Variants in DGKH observed in about 807,000 individuals in gnomAD.
The protein encoded by DGKH is DAG kinase eta.
DGKH carries 90 observed loss-of-function variants against 159.3 expected under a neutral mutation model. The ratio of observed to expected loss-of-function variants is 0.57; its 90% CI spans 0.48 to 0.67. DGKH has a LOEUF of 0.67. Among genes scored for constraint, DGKH ranks in the 30% least tolerant of loss-of-function variants. The probability of loss-of-function intolerance (pLI) is 0.00; values close to 1 mark genes in which losing one functional copy is unlikely to be tolerated. For missense variants in DGKH, 1,181 were observed against 1,506.1 expected (o/e 0.78, Z 3.57); for synonymous variants, 536 against 553.8 (o/e 0.97, Z 0.45).
intron 1 of DGKH, among the ~76,000 whole-genome samples, chr13:42,041,315 C>A (rs575605916): frequency 6.6e-6 from 1 of 152,156 alleles, no homozygotes; most frequent in Non-Finnish European, 1.5e-5. Context: ...CGAGACCGCG[C>A]CCTGGTCGTC....
In DGKH at chr13:42,198,487, C is replaced by G; in HGVS notation, c.2177C>G (p.Ala726Gly). 6.2e-7 allele frequency: 1 copy of G among 1,613,204 alleles called. No homozygotes were observed. The highest frequency in any genetic ancestry group is 1.1e-5 in the South Asian group (1 of 90,838). Reference sequence around the variant, plus strand: ...TTGCTTTTCTTTCCAGGTTTAAGAGCAGGACTGGCTGCCTCAATTGCTGGG... The same window carrying G: ...TTGCTTTTCTTTCCAGGTTTAAGAGGAGGACTGGCTGCCTCAATTGCTGGG... ...NTRIICPGLRAGLAASIAGSS... is the reference protein window; with the variant it reads ...NTRIICPGLRGGLAASIAGSS... Residue 726 changes from alanine (A) to glycine (G), a missense_variant, in exon 18 of 30, where the codon GCA (alanine) becomes GGA (glycine). Physicochemically the swap from Ala to Gly is moderately conservative, Grantham distance 60. Transcript: ENST00000337343.
rs1294343507 is a variant in DGKH, at chr13:42,153,721, A to G, written c.385-1570A>G. 2.0e-5 allele frequency: 3 copies of G among 152,348 alleles called. 1 individual carries two copies. The highest frequency in any genetic ancestry group is 6.8e-3 in the Middle Eastern group (2 of 294). The allele number at this position is 152,348 out of a possible 1,614,324, so 9.4% of individuals were successfully genotyped here. ...ATTTGGCTCCTAAGTAATGAGAGGC[A>G]TTGTTCTTTGCATTAACTATTTATT... On this transcript the variant is annotated intron_variant, in intron 3 of 29. Coordinates refer to ENST00000337343, the MANE Select transcript of DGKH (RefSeq NM_178009.5).
rs967512373 is a variant in DGKH, at chr13:42,219,216, C to G, written c.3214-14C>G. The G allele has an allele frequency of 5.0e-6, 8 of 1,612,582 alleles. No individual in the cohort carries two copies. Among genetic ancestry groups the G allele is most frequent in the Non-Finnish European group, 6.8e-6 (8 of 1,179,412 alleles). On this transcript the variant is annotated splice_polypyrimidine_tract_variant and intron_variant, in intron 26 of 29. Coordinates refer to ENST00000337343, the MANE Select transcript of DGKH (RefSeq NM_178009.5). Reference sequence around the variant, plus strand: ...GTCTTGTTTTGTTTTGTCTTTTAATCTGCTGGTAAATAGCAGCTGGAATCG... The same window carrying G: ...GTCTTGTTTTGTTTTGTCTTTTAATGTGCTGGTAAATAGCAGCTGGAATCG...
intron 21 of DGKH, among the ~76,000 whole-genome samples, chr13:42,207,808 T>G (rs903086197): frequency 1.3e-5 from 2 of 151,582 alleles, no homozygotes; most frequent in Non-Finnish European, 2.9e-5. Flanking sequence ...TGGTTCCTAC[T>G]GATCTGTTAT....
At chr13:42,147,084 C>G (rs1252685082) in intron 3 of DGKH, among the ~76,000 whole-genome samples, 1 of 151,892 alleles carries the variant, frequency 6.6e-6, no homozygotes, top group Non-Finnish European at 1.5e-5. Flanking sequence ...ACTTTGTGCA[C>G]AAGGACTGGA....
At chr13:42,146,025 A>G (rs1021079832) in intron 3 of DGKH, among the ~76,000 whole-genome samples, 13 of 152,130 alleles carry the variant, frequency 8.5e-5, no homozygotes, top group Admixed American at 3.9e-4. Context: ...ATTTTTCCCA[A>G]TTACTCAACA....
intron 1 of DGKH, among the ~76,000 whole-genome samples, chr13:42,054,463 A>G (rs1881602057): frequency 6.6e-6 from 1 of 152,362 alleles, no homozygotes; most frequent in Middle Eastern, 3.4e-3. Flanking sequence ...CAATTAACAC[A>G]CATCCAGGTC....
rs151039400 is a variant in DGKH, at chr13:42,188,476, C to G, written c.1639-560C>G. On this transcript the variant is annotated intron_variant, in intron 14 of 29. Coordinates refer to ENST00000337343, the MANE Select transcript of DGKH (RefSeq NM_178009.5). ...AGGCATTGTTCACTCCTTTGCAAAC[C>G]AAAGCTTTGAAGGGGAGTTTGCCAC... Among the ~76,000 whole-genome samples, 119 of 152,206 alleles carry G rather than the reference C, an allele frequency of 7.8e-4. 2 individuals are homozygous for G. The East Asian group carries it at 0.02, about 26-fold the overall frequency.
intron 1 of DGKH, among the ~76,000 whole-genome samples, chr13:42,086,937 A>G (rs774202177): frequency 1.3e-5 from 2 of 152,178 alleles, no homozygotes; most frequent in East Asian, 3.9e-4. Flanking sequence ...GGAACCACAC[A>G]GAAAGAAAGC....
chr13:42,059,542 G>A (rs569710143), intron 1 of DGKH, among the ~76,000 whole-genome samples: 38 of 152,256 alleles, frequency 2.5e-4, no homozygotes, highest in African/African-American at 8.9e-4. Context: ...GACCCACCGC[G>A]CCTGGCCTTC....
intron 1 of DGKH, among the ~76,000 whole-genome samples, chr13:42,074,146 T>G (rs1883153524): frequency 6.6e-6 from 1 of 152,202 alleles, no homozygotes; most frequent in African/African-American, 2.4e-5. Flanking sequence ...TTAAGGTACA[T>G]AGTGGAAAAC....
At chr13:42,244,898 C>A (rs1316894489), downstream of DGKH, among the ~76,000 whole-genome samples, 2 of 83,282 alleles carry the variant, frequency 2.4e-5, no homozygotes, top group African/African-American at 5.4e-5. Flanking sequence ...AGCGAGACTC[C>A]GTCTCAAAAA....
At chr13:42,041,081 G>A (rs985250071) in intron 1 of DGKH, among the ~76,000 whole-genome samples, 6 of 152,086 alleles carry the variant, frequency 3.9e-5, no homozygotes, top group East Asian at 1.9e-4. Flanking sequence ...CGCCGCCCGG[G>A]CTCCTCCTCG....
intron 11 of DGKH, among the ~76,000 whole-genome samples, chr13:42,170,384 A>T (rs1419827942): frequency 6.6e-6 from 1 of 152,024 alleles, no homozygotes; most frequent in Non-Finnish European, 1.5e-5. Context: ...CTGCCCTACA[A>T]TCTGGGCGAC....
chr13:42,186,432 A>G (rs1956931067), intron 13 of DGKH, among the ~76,000 whole-genome samples: 1 of 152,224 alleles, frequency 6.6e-6, no homozygotes, highest in East Asian at 1.9e-4. Context: ...ATTAAAATAA[A>G]CAAACAAGTA....
intron 9 of DGKH, among the ~76,000 whole-genome samples, chr13:42,167,801 C>T (rs2138013395): frequency 6.6e-6 from 1 of 152,086 alleles, no homozygotes; most frequent in East Asian, 1.9e-4. Context: ...CCCATTTGTC[C>T]TCGAAGGCTT....
intron 6 of DGKH, 51 bp downstream of exon 6, chr13:42,159,423 T>A (rs1320252438): frequency 7.9e-7 from 1 of 1,264,602 alleles, no homozygotes; most frequent in Non-Finnish European, 1.2e-6. Flanking sequence ...CTCTTTTATG[T>A]TCTGCTCTTG....
chr13:42,089,446 T>A (rs914068710), intron 1 of DGKH, among the ~76,000 whole-genome samples: 1 of 152,230 alleles, frequency 6.6e-6, no homozygotes, highest in Non-Finnish European at 1.5e-5. Context: ...TTTATTATCT[T>A]ATAGTTCTGG....
chr13:42,099,267 T>G (rs886845659), intron 1 of DGKH, among the ~76,000 whole-genome samples: 2 of 152,282 alleles, frequency 1.3e-5, no homozygotes, highest in Non-Finnish European at 2.9e-5. Flanking sequence ...TTGTAACAGG[T>G]CTCAGTTTGT....
Sources: gnomAD v4.1 joint callset for allele counts (sites outside exome capture counted in the v4.1 genomes callset) on GRCh38, gnomAD v4.1.1 for gene constraint, MANE v1.5 for transcripts, NCBI Gene and HGNC (gene_info 2026-07-23, HGNC 2026-07-21) for gene names.